The following OR9Q1 variants were observed in gnomAD, a reference collection of about 807,000 sequenced individuals.
The protein encoded by OR9Q1 is olfactory receptor family 9 subfamily Q member 1.
For synonymous variants in OR9Q1, 153 were observed against 148.6 expected, an observed-to-expected ratio of 1.03 and a Z score of -0.22; for missense variants, 374 against 378.8, an observed-to-expected ratio of 0.99 and a Z score of 0.11.
chr11:58,120,803 CATATATATAT>C (rs61634454), intron 2 of OR9Q1, among the ~76,000 whole-genome samples: 4 of 132,684 alleles, frequency 3.0e-5, no homozygotes, highest in East Asian at 2.1e-4. Context: ...ATTTCAATAC[CATATATATAT>C]ATATATATAT....
chr11:58,132,422 C>A (rs1430097078), intron 2 of OR9Q1, among the ~76,000 whole-genome samples: 1 of 152,136 alleles, frequency 6.6e-6, no homozygotes, highest in East Asian at 1.9e-4. Context: ...GCCTCGGTTT[C>A]CTCAGTTGAG....
chr11:58,166,310 C>T (rs1388433711), intron 2 of OR9Q1, among the ~76,000 whole-genome samples: 1 of 152,056 alleles, frequency 6.6e-6, no homozygotes, highest in Non-Finnish European at 1.5e-5. Context: ...TTTCTTTTAC[C>T]TCTGTTTCCC....
chr11:58,152,042 T>A (rs990281396), intron 2 of OR9Q1, among the ~76,000 whole-genome samples: 2 of 152,102 alleles, frequency 1.3e-5, no homozygotes, highest in Non-Finnish European at 2.9e-5. Flanking sequence ...CATGGGGAAA[T>A]CCTCTCAGGC....
intron 2 of OR9Q1, among the ~76,000 whole-genome samples, chr11:58,080,836 A>G (rs954376259): frequency 1.3e-5 from 2 of 152,126 alleles, no homozygotes; most frequent in Non-Finnish European, 2.9e-5. Flanking sequence ...TTTAAAAATT[A>G]TACTTTAAGT....
In OR9Q1 at chr11:58,179,723, T is replaced by C. The variant is rs1248029226; in HGVS notation, c.279T>C (p.Ser93=). The C allele has an allele frequency of 3.1e-6, 5 of 1,614,084 alleles. No homozygotes were observed. The highest frequency in any genetic ancestry group is 4.2e-6 in the Non-Finnish European group (5 of 1,180,036). The change falls in exon 3 of 3, where the codon TCT becomes TCC. Residue 93 remains serine (S), a synonymous_variant. Coordinates refer to ENST00000335397, the MANE Select transcript of OR9Q1 (RefSeq NM_001005212.4). ...TGCTGGAGCATGGGGCAGCTTTATC[T>C]TACACACGCTGTGCTGCTCAGTTCT... ...AVLLEHGAAL[S]YTRCAAQFFL...
intron 2 of OR9Q1, among the ~76,000 whole-genome samples, chr11:58,091,121 G>A (rs1853680446): frequency 1.3e-5 from 2 of 151,256 alleles, no homozygotes; most frequent in African/African-American, 4.9e-5. Flanking sequence ...TTTTTTGAAG[G>A]GTTTTTTGTT....
chr11:58,043,348 C>T (rs940311351), intron 1 of OR9Q1, among the ~76,000 whole-genome samples: 1 of 152,196 alleles, frequency 6.6e-6, no homozygotes, highest in African/African-American at 2.4e-5. Context: ...TCAACAATTA[C>T]CTGGATTCTG....
intron 2 of OR9Q1, among the ~76,000 whole-genome samples, chr11:58,085,789 G>A (rs973200963): frequency 1.3e-5 from 2 of 151,810 alleles, no homozygotes; most frequent in Admixed American, 6.6e-5. Context: ...CATTGACATT[G>A]GGATGACATC....
chr11:58,179,867 C>T lies in OR9Q1; in HGVS notation c.423C>T (p.Arg141=). Reference sequence around the variant, plus strand: ...TCACCATCCTGACACAGCAGGCCCGCTTGAGTCTTGTGGCTGGGGCTTACG... The same window carrying T: ...TCACCATCCTGACACAGCAGGCCCGTTTGAGTCTTGTGGCTGGGGCTTACG... The part of the protein sequence containing the change: ...LYVTILTQQA[R]LSLVAGAYVA... The change falls in exon 3 of 3, where the codon CGC becomes CGT. Residue 141 remains arginine (R), a synonymous_variant. Coordinates refer to ENST00000335397, the MANE Select transcript of OR9Q1 (RefSeq NM_001005212.4). 1 of 1,614,144 alleles carries T rather than the reference C, an allele frequency of 6.2e-7. No individual in the cohort carries two copies. The highest frequency in any genetic ancestry group is 8.5e-7 in the Non-Finnish European group (1 of 1,180,016).
intron 2 of OR9Q1, chr11:58,109,317 C>T (rs1249065783): frequency 1.1e-5 from 5 of 461,064 alleles, no homozygotes; most frequent in Non-Finnish European, 2.2e-5. Flanking sequence ...CCATCACTGA[C>T]AGCAGGTAAC....
chr11:58,055,623 AC>A (rs1853319603), intron 1 of OR9Q1, among the ~76,000 whole-genome samples: 1 of 151,864 alleles, frequency 6.6e-6, no homozygotes, highest in South Asian at 2.1e-4. Flanking sequence ...CCATAGTGAA[AC>A]CCCATGTTTG....
At chr11:58,085,078 C>T (rs565855502) in intron 2 of OR9Q1, among the ~76,000 whole-genome samples, 61 of 151,934 alleles carry the variant, frequency 4.0e-4, no homozygotes, top group African/African-American at 1.5e-3. Flanking sequence ...CAATGTAAGT[C>T]CATGTACGTT....
At chr11:58,048,275 G>A (rs1853239442) in intron 1 of OR9Q1, among the ~76,000 whole-genome samples, 1 of 152,116 alleles carries the variant, frequency 6.6e-6, no homozygotes, top group African/African-American at 2.4e-5. Flanking sequence ...TTGACTAAAA[G>A]CAGATATGGA....
intron 2 of OR9Q1, among the ~76,000 whole-genome samples, chr11:58,113,202 A>G (rs1465549179): frequency 6.6e-6 from 1 of 152,224 alleles, no homozygotes; most frequent in African/African-American, 2.4e-5. Context: ...ACTGTTAAAG[A>G]AAATTTTAAT....
rs1024380791 is a variant in OR9Q1 at position 58,060,659 on chromosome 11, G to A, written c.-15+4712G>A. On this transcript the variant is annotated intron_variant, in intron 2 of 2. Transcript: ENST00000335397. ...TCGAGACTAGCCTGGCCAGCATGGC[G>A]AAACCCTGTCTCTGCTAAAAGTACA... Among the ~76,000 whole-genome samples the A allele has an allele frequency of 6.6e-5, 10 of 152,196 alleles. 1 individual carries two copies. Among genetic ancestry groups the A allele is most frequent in the East Asian group, 3.8e-4 (2 of 5,200 alleles).
intron 1 of OR9Q1, among the ~76,000 whole-genome samples, chr11:58,054,769 C>A (rs1853311451): frequency 6.6e-6 from 1 of 152,024 alleles, no homozygotes; most frequent in African/African-American, 2.4e-5. Flanking sequence ...ACTAAAAATA[C>A]AAAAATTCGC....
intron 2 of OR9Q1, among the ~76,000 whole-genome samples, chr11:58,170,215 C>T (rs1004112244): frequency 7.2e-5 from 11 of 152,000 alleles, no homozygotes; most frequent in African/African-American, 2.4e-4. Context: ...ATTTACAGAC[C>T]CCCTCACTCA....
intron 2 of OR9Q1, among the ~76,000 whole-genome samples, chr11:58,071,674 G>A (rs1274010151): frequency 1.3e-5 from 2 of 152,060 alleles, no homozygotes; most frequent in Non-Finnish European, 2.9e-5. Flanking sequence ...CATACTACGA[G>A]AACAAACTTC....
intron 2 of OR9Q1, among the ~76,000 whole-genome samples, chr11:58,087,661 T>G (rs1853646462): frequency 6.6e-6 from 1 of 151,852 alleles, no homozygotes; most frequent in Admixed American, 6.6e-5. Flanking sequence ...ACTCGTCATC[T>G]AGATTTTAAG....
Sources: allele counts gnomAD v4.1 joint callset (sites outside exome capture counted in the v4.1 genomes callset), GRCh38; gene constraint gnomAD v4.1.1; transcripts MANE v1.5; gene names NCBI Gene and HGNC (gene_info 2026-07-23, HGNC 2026-07-21).